IBTK: variants seen among roughly 807,000 people sequenced by gnomAD.
IBTK encodes the protein BTK-binding protein.
A neutral mutation model predicts 154.9 loss-of-function variants in IBTK; 83 were observed. The ratio of observed to expected loss-of-function variants is 0.54; its 90% CI spans 0.45 to 0.64. IBTK has a LOEUF of 0.64. Among genes scored for constraint, IBTK ranks in the 30% least tolerant of loss-of-function variants. The pLI, the probability that IBTK is intolerant of heterozygous loss-of-function variation, is 0.00. For synonymous variants in IBTK, 515 were observed against 536.1 expected, an observed-to-expected ratio of 0.96 and a Z score of 0.54; for missense variants, 1,332 against 1,584.6, an observed-to-expected ratio of 0.84 and a Z score of 2.71.
intron 2 of IBTK, among the ~76,000 whole-genome samples, chr6:82,235,862 TTTG>T (rs994084392): frequency 1.3e-5 from 2 of 152,062 alleles, no homozygotes; most frequent in Admixed American, 1.3e-4. Flanking sequence ...TTCATTAATT[TTTG>T]TTGTTATTGT....
At chr6:82,199,215 T>C (rs1190788509) in intron 21 of IBTK, among the ~76,000 whole-genome samples, 1 of 151,456 alleles carries the variant, frequency 6.6e-6, no homozygotes, top group East Asian at 1.9e-4. Context: ...AGTGGAACAA[T>C]TTTTTTTTAA....
Position 82,216,237 on chromosome 6 carries a change from G to T in IBTK, c.1440C>A (p.Asn480Lys). ...KSSEKKEILSNLHNSSSDVSY... is the reference protein window; with the variant it reads ...KSSEKKEILSKLHNSSSDVSY... ...ACACATCTGATGAGGAATTGTGAAG[G>T]TTTGATAAAATCTCTGTTAAAAAAA... Residue 480 changes from asparagine to lysine, a missense_variant, in exon 11 of 29, where the codon AAC becomes AAA. Physicochemically the swap from Asn to Lys is moderately conservative, Grantham distance 94. Around this residue, in one of 3 missense-constraint regions of IBTK, gnomAD observed 1,134 missense variants for 1,274.7 expected, o/e 0.89. Transcript: ENST00000306270. The T allele has an allele frequency of 6.3e-7, 1 of 1,577,250 alleles. No individual in the cohort carries two copies. Among genetic ancestry groups the T allele is most frequent in the Non-Finnish European group, 8.6e-7 (1 of 1,165,378 alleles).
Position 82,181,879 on chromosome 6 carries a change from C to T in IBTK, c.3725G>A (p.Arg1242Lys), listed in dbSNP as rs1434160239. The stretch of plus-strand genomic sequence containing the variant: ...ATTAGTTTTAAGTTTGTTTTATTAC[C>T]TGACAATTTTTGGTGCCTGAGAATT... The part of the protein sequence containing the change: ...IENSQAPKIV[R>K]CSTHGTPGPE... Residue 1242 changes from arginine to lysine, a missense_variant and splice_region_variant, in exon 26 of 29, where the codon AGA becomes AAA. Transcript: ENST00000306270. 2 of 1,567,536 alleles carry T rather than the reference C, an allele frequency of 1.3e-6. No individual in the cohort carries two copies. The highest frequency in any genetic ancestry group is 1.2e-5 in the South Asian group (1 of 83,610).
chr6:82,231,544 A>T (rs1770503277), intron 4 of IBTK, among the ~76,000 whole-genome samples, 174 bp downstream of exon 4: 1 of 152,226 alleles, frequency 6.6e-6, no homozygotes, highest in Non-Finnish European at 1.5e-5. Flanking sequence ...GTCTAAATAT[A>T]ATTAAGGCTA....
intron 16 of IBTK, among the ~76,000 whole-genome samples, chr6:82,206,338 G>A (rs1562088204): frequency 6.6e-6 from 1 of 152,102 alleles, no homozygotes; most frequent in Admixed American, 6.6e-5. Context: ...ATCTTTATTT[G>A]ACCTGACATA....
intron 25 of IBTK, among the ~76,000 whole-genome samples, chr6:82,185,959 A>G (rs1032773957): frequency 1.3e-5 from 2 of 152,112 alleles, no homozygotes; most frequent in East Asian, 1.9e-4. Flanking sequence ...TTCTAACAAT[A>G]CATGCTCACT....
intron 17 of IBTK, among the ~76,000 whole-genome samples, chr6:82,202,972 T>A (rs1368631087): frequency 6.6e-6 from 1 of 152,096 alleles, no homozygotes; most frequent in African/African-American, 2.4e-5. Context: ...CTGAATATTT[T>A]TAAAAAGCTT....
At chr6:82,174,723 C>G (rs1208347552) in intron 26 of IBTK, among the ~76,000 whole-genome samples, 1 of 152,100 alleles carries the variant, frequency 6.6e-6, no homozygotes, top group African/African-American at 2.4e-5. Context: ...CCCATTTAAT[C>G]TTTGCAATAC....
intron 8 of IBTK, among the ~76,000 whole-genome samples, chr6:82,221,194 C>T (rs868677771): frequency 2.0e-5 from 3 of 152,026 alleles, no homozygotes; most frequent in African/African-American, 4.8e-5. Context: ...CATGGTGATG[C>T]GCCCCTGTAG....
intron 10 of IBTK, 24 bp downstream of exon 10, chr6:82,217,936 G>T (rs550375122): frequency 1.4e-6 from 2 of 1,458,778 alleles, no homozygotes; most frequent in African/African-American, 1.4e-5. Context: ...GTACTTTTAC[G>T]TATTGTTCAA....
At position 82,211,372 on chromosome 6, in the gene IBTK, T is replaced by C. The variant is rs946785596; in HGVS notation, c.2407A>G (p.Ile803Val). 1 of 1,603,498 alleles carries C rather than the reference T, an allele frequency of 6.2e-7. No individual in the cohort carries two copies. The highest frequency in any genetic ancestry group is 2.2e-5 in the East Asian group (1 of 44,748). Residue 803 changes from isoleucine (I) to valine (V), a missense_variant, in exon 15 of 29, where the codon ATT becomes GTT. Ile to Val is a conservative substitution (Grantham distance 29, BLOSUM62 3). Coordinates refer to ENST00000306270, the MANE Select transcript of IBTK (RefSeq NM_015525.4). ...YFHSMLSSSWIEASSCAALEM... is the reference protein window; with the variant it reads ...YFHSMLSSSWVEASSCAALEM... ...GCTTTTTACTTAAATCTTACCTCAA[T>C]CCATGAGCTACTCAGCATACTATGA...
chr6:82,172,636 AGC>A, intron 27 of IBTK, 124 bp from the exon 28 acceptor site: 1 of 737,290 alleles, frequency 1.4e-6, no homozygotes, highest in South Asian at 2.4e-5. Flanking sequence ...CGAACCTGGA[AGC>A]TTTCACAGAG....
chr6:82,185,184 G>GAAAAAA (rs1196015823), intron 25 of IBTK, among the ~76,000 whole-genome samples: 1 of 37,806 alleles, frequency 2.6e-5, no homozygotes, highest in Non-Finnish European at 5.7e-5. Context: ...CTCTGTCTCA[G>GAAAAAA]AAAAAAAAAA....
intron 9 of IBTK, among the ~76,000 whole-genome samples, chr6:82,219,204 G>C (rs187849): frequency 0.014 from 2,131 of 151,840 alleles, 28 homozygotes; most frequent in South Asian, 0.046. Flanking sequence ...ATGGTGGTTT[G>C]CTGCACAGAG....
In IBTK at chr6:82,172,691, A is replaced by C. The variant is rs1366359422; in HGVS notation, c.3798-179T>G. 1.6e-5 allele frequency: 9 copies of C among 563,072 alleles called. No individual in the cohort carries two copies. The South Asian group carries it at 2.9e-4, about 18-fold the overall frequency. The allele number at this position is 563,072 out of a possible 1,614,324, so 34.9% of individuals were successfully genotyped here. A position where few individuals can be genotyped will look rare whatever the true frequency, so the allele number is the denominator to read the frequency against. On this transcript the variant is annotated intron_variant, in intron 27 of 28. Coordinates refer to ENST00000306270, the MANE Select transcript of IBTK (RefSeq NM_015525.4). The stretch of plus-strand genomic sequence containing the variant: ...TTCACTCATCTTCCTAAATTTTTGC[A>C]TGCAAAATTTTCTCTGAAATACTCT...
chr6:82,204,793 A>G, intron 17 of IBTK, 64 bp downstream of exon 17: 1 of 1,032,960 alleles, frequency 9.7e-7, no homozygotes, highest in Non-Finnish European at 1.4e-6. Context: ...CATAAAGTCA[A>G]TAAAGTACAG....
intron 8 of IBTK, 61 bp downstream of exon 8, chr6:82,223,379 T>C: frequency 7.5e-7 from 1 of 1,334,778 alleles, no homozygotes; most frequent in Non-Finnish European, 1.0e-6. Flanking sequence ...AACACTCAGA[T>C]ATTTGCTGGA....
chr6:82,240,207 T>TG lies in IBTK; in HGVS notation c.279dup (p.Ile94HisfsTer7). 6.2e-7 allele frequency: 1 copy of TG among 1,614,138 alleles called. No individual in the cohort carries two copies. Among genetic ancestry groups the TG allele is most frequent in the Non-Finnish European group, 8.5e-7 (1 of 1,180,000 alleles). On this transcript the variant is annotated frameshift_variant, in exon 2 of 29. Coordinates refer to ENST00000306270, the MANE Select transcript of IBTK (RefSeq NM_015525.4). LOFTEE classifies it high-confidence loss of function. ...ACACAATCAATATGTCCATAAAAAA[T>TG]GCTTCTGTGCAATGCTGTCCATCCA...
chr6:82,216,239 T>G lies in IBTK; in HGVS notation c.1438A>C (p.Asn480His), dbSNP rs201859537. ...KSSEKKEILS[N>H]LHNSSSDVSY... Reference sequence around the variant, plus strand: ...ACATCTGATGAGGAATTGTGAAGGTTTGATAAAATCTCTGTTAAAAAAAAA... The same window carrying G: ...ACATCTGATGAGGAATTGTGAAGGTGTGATAAAATCTCTGTTAAAAAAAAA... Residue 480 changes from asparagine (N) to histidine (H), a missense_variant, in exon 11 of 29, where the codon AAC (asparagine) becomes CAC (histidine). By Grantham distance (68) the Asn-to-His change is moderately conservative. Transcript: ENST00000306270. 1.0e-5 allele frequency: 16 copies of G among 1,579,256 alleles called. No individual in the cohort carries two copies. The African/African-American group carries it at 2.1e-4, about 20-fold the overall frequency.
Sources: gnomAD v4.1 joint callset for allele counts (sites outside exome capture counted in the v4.1 genomes callset) on GRCh38, gnomAD v4.1.1 for gene constraint, gnomAD v4.1.1 regional missense constraint, MANE v1.5 for transcripts, NCBI Gene and HGNC (gene_info 2026-07-23, HGNC 2026-07-21) for gene names.